Variants in CTNNA2 observed in about 807,000 individuals in gnomAD.
CTNNA2 encodes the protein catenin alpha 2.
CTNNA2 carries 42 observed loss-of-function variants against 101.0 expected under a neutral mutation model. The observed-to-expected ratio is 0.42, with a 90% CI of 0.32 to 0.54. The LOEUF (loss-of-function observed/expected upper bound fraction) is 0.54, where lower values mean the gene tolerates loss of function less well. Among genes scored for constraint, CTNNA2 ranks in the 20% least tolerant of loss-of-function variants. The pLI is 0.14. For missense variants in CTNNA2, 871 were observed against 1,223.1 expected (o/e 0.71, Z 4.29); for synonymous variants, 450 against 456.4 (o/e 0.99, Z 0.18).
At chr2:80,195,753 A>G (rs1046563624) in intron 7 of CTNNA2, among the ~76,000 whole-genome samples, 9 of 152,140 alleles carry the variant, frequency 5.9e-5, no homozygotes, top group African/African-American at 7.2e-5. Context: ...ATGGAATGAC[A>G]TGAAAGACAT....
chr2:80,120,676 T>C (rs1231205284), intron 7 of CTNNA2, among the ~76,000 whole-genome samples: 2 of 152,194 alleles, frequency 1.3e-5, no homozygotes, highest in Non-Finnish European at 1.5e-5. Context: ...TAGGAAGTTA[T>C]GGCAATGGTG....
intron 2 of CTNNA2, among the ~76,000 whole-genome samples, chr2:79,303,883 T>C (rs1422569192): frequency 6.6e-6 from 1 of 151,642 alleles, no homozygotes; most frequent in Non-Finnish European, 1.5e-5. Flanking sequence ...GCGAGAAAGA[T>C]AGAGAGATAA....
At chr2:80,385,066 G>C (rs970340830) in intron 7 of CTNNA2, among the ~76,000 whole-genome samples, 3 of 151,918 alleles carry the variant, frequency 2.0e-5, no homozygotes, top group African/African-American at 7.3e-5. Flanking sequence ...CTGAAAACCT[G>C]TTGCATTCCA....
intron 9 of CTNNA2, 33 bp from the exon 10 acceptor site, chr2:80,544,949 A>T: frequency 6.3e-7 from 1 of 1,591,110 alleles, no homozygotes; most frequent in Non-Finnish European, 8.6e-7. Context: ...CTTTGCCCCA[A>T]CCTAATATTC....
chr2:79,307,953 C>A (rs905962132), intron 2 of CTNNA2, among the ~76,000 whole-genome samples: 2 of 152,154 alleles, frequency 1.3e-5, no homozygotes, highest in African/African-American at 2.4e-5. Flanking sequence ...ATTTTCATTT[C>A]TCTGATGATT....
intron 4 of CTNNA2, among the ~76,000 whole-genome samples, chr2:79,449,025 G>T (rs943797333): frequency 5.9e-5 from 9 of 152,084 alleles, no homozygotes; most frequent in Non-Finnish European, 1.0e-4. Flanking sequence ...TTTTGAAACC[G>T]CATGATGCAG....
At chr2:80,186,559 A>C (rs2148990179) in intron 7 of CTNNA2, among the ~76,000 whole-genome samples, 1 of 152,350 alleles carries the variant, frequency 6.6e-6, no homozygotes, top group Middle Eastern at 3.4e-3. Flanking sequence ...GTTAAATGTC[A>C]GAACACATTA....
At chr2:80,277,508 GA>G (rs1673998167) in intron 7 of CTNNA2, among the ~76,000 whole-genome samples, 2 of 123,380 alleles carry the variant, frequency 1.6e-5, no homozygotes, top group African/African-American at 6.1e-5. Context: ...CAAGTTCAGG[GA>G]AAAAGAGCTC....
chr2:80,109,275 A>G (rs1166338608), intron 7 of CTNNA2, among the ~76,000 whole-genome samples: 1 of 151,398 alleles, frequency 6.6e-6, no homozygotes, highest in African/African-American at 2.4e-5. Flanking sequence ...CCTGGCCAAC[A>G]TGGTGAAACC....
chr2:80,560,980 C>T (rs1693536966), intron 12 of CTNNA2, among the ~76,000 whole-genome samples: 1 of 151,044 alleles, frequency 6.6e-6, no homozygotes, highest in Admixed American at 6.6e-5. Context: ...CTACCAGCAG[C>T]CTCAGGTTTG....
At chr2:80,137,618 G>T (rs1702765568) in intron 7 of CTNNA2, among the ~76,000 whole-genome samples, 1 of 152,090 alleles carries the variant, frequency 6.6e-6, no homozygotes, top group Admixed American at 6.6e-5. Context: ...CTGGAAAGGT[G>T]CTCTCAGGCA....
intron 2 of CTNNA2, among the ~76,000 whole-genome samples, chr2:79,311,298 A>C (rs938184747): frequency 6.6e-6 from 1 of 150,396 alleles, no homozygotes; most frequent in Non-Finnish European, 1.5e-5. Flanking sequence ...AGTCCCAGCT[A>C]CTCGGGAGGC....
At chr2:80,185,867 G>A (rs1706093834) in intron 7 of CTNNA2, among the ~76,000 whole-genome samples, 1 of 152,110 alleles carries the variant, frequency 6.6e-6, no homozygotes, top group African/African-American at 2.4e-5. Context: ...TTGACACATG[G>A]TTTATTTATG....
At chr2:79,714,005 A>C (rs1175323778) in intron 2 of CTNNA2, among the ~76,000 whole-genome samples, 1 of 152,110 alleles carries the variant, frequency 6.6e-6, no homozygotes, top group Admixed American at 6.5e-5. Flanking sequence ...GTGATCCTTG[A>C]CATGGGCTTT....
At chr2:79,599,240 C>T (rs140018851) in intron 1 of CTNNA2, among the ~76,000 whole-genome samples, 1 of 152,264 alleles carries the variant, frequency 6.6e-6, no homozygotes, top group East Asian at 1.9e-4. Context: ...AGTGTCAATT[C>T]TCTGACTTTA....
intron 2 of CTNNA2, among the ~76,000 whole-genome samples, chr2:79,254,055 T>C (rs1674808140): frequency 6.6e-6 from 1 of 152,150 alleles, no homozygotes; most frequent in Non-Finnish European, 1.5e-5. Flanking sequence ...CACGGACTTT[T>C]TAAGTAAGAT....
chr2:80,584,812 T>C (rs898095929), intron 14 of CTNNA2, among the ~76,000 whole-genome samples: 1 of 152,102 alleles, frequency 6.6e-6, no homozygotes, highest in Non-Finnish European at 1.5e-5. Flanking sequence ...TTGGTGGTAA[T>C]GGTGATGATG....
chr2:79,411,170 G>C (rs897388851), intron 4 of CTNNA2, among the ~76,000 whole-genome samples: 1 of 151,728 alleles, frequency 6.6e-6, no homozygotes, highest in South Asian at 2.1e-4. Flanking sequence ...TTTTTATCGC[G>C]TCTATTTGAT....
intron 1 of CTNNA2, among the ~76,000 whole-genome samples, chr2:79,641,405 C>G (rs575171038): frequency 3.4e-4 from 52 of 152,230 alleles, no homozygotes; most frequent in African/African-American, 1.2e-3. Flanking sequence ...AAGCTATGTT[C>G]CTATTAAATA....
Sources: allele counts gnomAD v4.1 joint callset (sites outside exome capture counted in the v4.1 genomes callset), GRCh38; gene constraint gnomAD v4.1.1; transcripts MANE v1.5; gene names NCBI Gene and HGNC (gene_info 2026-07-23, HGNC 2026-07-21).